LRRC8D: variants seen among roughly 807,000 people sequenced by gnomAD.
LRRC8D encodes volume-regulated anion channel subunit LRRC8D.
LRRC8D carries 20 observed loss-of-function variants against 55.8 expected under a neutral mutation model. The ratio of observed to expected loss-of-function variants is 0.36; its 90% CI spans 0.25 to 0.52. LRRC8D has a LOEUF of 0.52. Among genes scored for constraint, LRRC8D ranks in the 20% least tolerant of loss-of-function variants. The pLI is 0.93. For synonymous variants in LRRC8D, 352 were observed against 377.0 expected (o/e 0.93, Z 0.77); for missense variants, 651 against 1,030.8 (o/e 0.63, Z 5.05).
At chr1:89,921,340 A>G (rs549672402) in intron 2 of LRRC8D, among the ~76,000 whole-genome samples, 44 of 152,250 alleles carry the variant, frequency 2.9e-4, no homozygotes, top group Non-Finnish European at 4.9e-4. Context: ...CCCTATTTCA[A>G]AAAAAACAAC....
rs138425647 is a variant in LRRC8D, at chr1:89,852,756, G to T, written c.-3+8974G>T. Among the ~76,000 whole-genome samples, 20 of 152,238 alleles carry T rather than the reference G, an allele frequency of 1.3e-4. No individual in the cohort carries two copies. The East Asian group carries it at 3.9e-3, about 29-fold the overall frequency. On this transcript the variant is annotated intron_variant, in intron 2 of 2. Coordinates refer to ENST00000337338, the MANE Select transcript of LRRC8D (RefSeq NM_001134479.2). ...AGAGGCTGAGATCATTTACCAGGCCGAGATGGAGAAAGGACAGACTGAGGA... is the reference window on the plus strand; with the variant it reads ...AGAGGCTGAGATCATTTACCAGGCCTAGATGGAGAAAGGACAGACTGAGGA...
intron 2 of LRRC8D, among the ~76,000 whole-genome samples, chr1:89,883,420 C>G (rs1662334167): frequency 6.6e-6 from 1 of 152,050 alleles, no homozygotes; most frequent in Non-Finnish European, 1.5e-5. Context: ...CCAAGCATGA[C>G]CAGAGGGTAA....
At chr1:89,861,050 G>T (rs1168037591) in intron 2 of LRRC8D, among the ~76,000 whole-genome samples, 1 of 151,938 alleles carries the variant, frequency 6.6e-6, no homozygotes, top group Non-Finnish European at 1.5e-5. Context: ...GCTGGGTGCT[G>T]TCCAGGGCCT....
rs1663837872 is a variant in LRRC8D, at chr1:89,935,734, T to C, written c.*89T>C. 47 of 1,142,324 alleles carry C rather than the reference T, an allele frequency of 4.1e-5. No homozygotes were observed. The South Asian group carries it at 7.0e-4, about 17-fold the overall frequency. The allele number at this position is 1,142,324 out of a possible 1,614,324, so 70.8% of individuals were successfully genotyped here. Reference sequence around the variant, plus strand: ...CAAGTTATTACAAGATAATGCATTTTAGGAGTAGATACATCTTTTAAAATA... The same window carrying C: ...CAAGTTATTACAAGATAATGCATTTCAGGAGTAGATACATCTTTTAAAATA... On this transcript the variant is annotated 3_prime_UTR_variant, in exon 3 of 3. Transcript: ENST00000337338.
intron 2 of LRRC8D, among the ~76,000 whole-genome samples, chr1:89,871,545 C>T (rs1410888657): frequency 1.3e-5 from 2 of 152,130 alleles, no homozygotes; most frequent in East Asian, 1.9e-4. Flanking sequence ...AAACTATTTG[C>T]ATTTACATAT....
intron 1 of LRRC8D, among the ~76,000 whole-genome samples, chr1:89,828,916 G>T (rs549599124): frequency 6.6e-6 from 1 of 152,254 alleles, no homozygotes; most frequent in South Asian, 2.1e-4. Context: ...GGAGAAGAAA[G>T]GATGTACAAG....
At chr1:89,843,301 G>A (rs1661181233) in intron 1 of LRRC8D, 1 of 194,968 alleles carries the variant, frequency 5.1e-6, no homozygotes, top group Non-Finnish European at 1.0e-5. Flanking sequence ...GGGCACCGGC[G>A]GAGGAAGCGT....
intron 1 of LRRC8D, chr1:89,821,952 G>A (rs1022394490): frequency 1.3e-5 from 2 of 152,200 alleles, no homozygotes; most frequent in Non-Finnish European, 2.9e-5. Context: ...TGGAGGCGTG[G>A]GCTCTTGGGA....
At chr1:89,825,752 C>G (rs1381743690) in intron 1 of LRRC8D, among the ~76,000 whole-genome samples, 1 of 152,154 alleles carries the variant, frequency 6.6e-6, no homozygotes, top group Admixed American at 6.5e-5. Flanking sequence ...ATTACCATTC[C>G]CAGATGTCTT....
chr1:89,879,202 G>T (rs1019818147), intron 2 of LRRC8D, among the ~76,000 whole-genome samples: 1 of 152,162 alleles, frequency 6.6e-6, no homozygotes. Context: ...AGTAAGCAAT[G>T]AAAGAGTTTA....
At chr1:89,852,048 A>C (rs1175284575) in intron 2 of LRRC8D, among the ~76,000 whole-genome samples, 1 of 151,674 alleles carries the variant, frequency 6.6e-6, no homozygotes, top group Admixed American at 6.6e-5. Context: ...TGGACACAGG[A>C]GAGAGTTGCA....
chr1:89,871,332 C>T (rs572506271), intron 2 of LRRC8D, among the ~76,000 whole-genome samples: 3 of 152,234 alleles, frequency 2.0e-5, no homozygotes, highest in South Asian at 2.1e-4. Flanking sequence ...TGATTACTTG[C>T]GGTTGAATCG....
intron 2 of LRRC8D, among the ~76,000 whole-genome samples, chr1:89,903,788 C>T (rs1039009653): frequency 6.6e-6 from 1 of 152,142 alleles, no homozygotes; most frequent in African/African-American, 2.4e-5. Flanking sequence ...AAAGGAATCT[C>T]TTATTTTTAT....
intron 2 of LRRC8D, among the ~76,000 whole-genome samples, chr1:89,872,283 C>T (rs765098444): frequency 2.0e-5 from 3 of 152,194 alleles, no homozygotes; most frequent in Non-Finnish European, 4.4e-5. Flanking sequence ...TGGAACATAG[C>T]GTTCTGCTAT....
rs571980668 is a variant in LRRC8D at position 89,851,518 on chromosome 1, T to TC, written c.-3+7736_-3+7737insC. Among the ~76,000 whole-genome samples, 3 of 152,126 alleles carry TC rather than the reference T, an allele frequency of 2.0e-5. No homozygotes were observed. In the East Asian group the frequency reaches 5.8e-4, roughly 29 times the overall value. Reference sequence around the variant, plus strand: ...TTCCCCTTGTCTTTCTTTTTCTTTTTTTTTTTTTGAGACGAGAGTCTTGCT... The same window carrying TC: ...TTCCCCTTGTCTTTCTTTTTCTTTTTCTTTTTTTTGAGACGAGAGTCTTGCT... On this transcript the variant is annotated intron_variant, in intron 2 of 2. Transcript: ENST00000337338.
chr1:89,837,570 T>G (rs1027513057), intron 1 of LRRC8D, among the ~76,000 whole-genome samples: 1 of 152,226 alleles, frequency 6.6e-6, no homozygotes, highest in African/African-American at 2.4e-5. Flanking sequence ...TTACTTAACA[T>G]CTCCATGTCC....
chr1:89,846,312 A>G (rs1333133883), intron 2 of LRRC8D, among the ~76,000 whole-genome samples: 1 of 140,986 alleles, frequency 7.1e-6, no homozygotes, highest in Non-Finnish European at 1.6e-5. Context: ...TATATGATGT[A>G]TTTTTTTTTT....
At chr1:89,876,730 G>A (rs1192495010) in intron 2 of LRRC8D, among the ~76,000 whole-genome samples, 1 of 152,228 alleles carries the variant, frequency 6.6e-6, no homozygotes, top group Admixed American at 6.5e-5. Flanking sequence ...ATTGGTTTAT[G>A]CATTGTCTGT....
At chr1:89,856,114 C>T (rs942024213) in intron 2 of LRRC8D, among the ~76,000 whole-genome samples, 4 of 151,904 alleles carry the variant, frequency 2.6e-5, no homozygotes, top group African/African-American at 4.8e-5. Context: ...TGTGAACATA[C>T]TACATATACA....
Sources: allele counts gnomAD v4.1 joint callset (sites outside exome capture counted in the v4.1 genomes callset), GRCh38; gene constraint gnomAD v4.1.1; transcripts MANE v1.5; gene names NCBI Gene and HGNC (gene_info 2026-07-23, HGNC 2026-07-21).